COL4A4: variants seen among roughly 807,000 people sequenced by gnomAD.
COL4A4 encodes the protein collagen type IV alpha 4 chain, also known as collagen alpha-4(IV) chain.
COL4A4 carries 105 observed loss-of-function variants against 192.9 expected under a neutral mutation model. The observed-to-expected ratio is 0.54, with a 90% CI of 0.46 to 0.64. COL4A4 has a LOEUF of 0.64. Ranked by LOEUF, COL4A4 falls within the 30% of genes least tolerant of loss-of-function variation. COL4A4 has a pLI of 0.00. For synonymous variants in COL4A4, 762 were observed against 769.9 expected (o/e 0.99, Z 0.17); for missense variants, 1,967 against 2,169.3 (o/e 0.91, Z 1.85).
intron 19 of COL4A4, among the ~76,000 whole-genome samples, chr2:227,097,891 A>T (rs2060289895): frequency 1.3e-5 from 2 of 152,184 alleles, no homozygotes; most frequent in Admixed American, 1.3e-4. Context: ...GGCTGGGTAA[A>T]ACTACGTTTA....
At chr2:227,051,482 T>C (rs1428864641) in intron 32 of COL4A4, among the ~76,000 whole-genome samples, 1 of 152,212 alleles carries the variant, frequency 6.6e-6, no homozygotes, top group Non-Finnish European at 1.5e-5. Context: ...GAAGCCAAGA[T>C]GAGCACCTCA....
chr2:227,046,054 T>TCTAAATATATATACGTATATATACTAC (rs1468736824), intron 35 of COL4A4, among the ~76,000 whole-genome samples: 1 of 137,936 alleles, frequency 7.2e-6, no homozygotes, highest in Non-Finnish European at 1.5e-5. Flanking sequence ...ATATATACTA[T>TCTAAATATATATACGTATATATACTAC]CTAAACATAT....
chr2:226,980,110 C>G, the COL4A4 span, among the ~76,000 whole-genome samples: 2 of 152,106 alleles, frequency 1.3e-5, no homozygotes, highest in African/African-American at 4.8e-5. Context: ...CAGTCAGCAC[C>G]ACTTACCTTT....
In COL4A4 at chr2:227,089,950, G is replaced by A. The variant is rs376301372; in HGVS notation, c.1377C>T (p.Tyr459=). The change falls in exon 21 of 48, where the codon TAC becomes TAT. Residue 459 remains tyrosine (Y), a synonymous_variant. Coordinates refer to ENST00000396625, the MANE Select transcript of COL4A4 (RefSeq NM_000092.5). ...GTGGTCCGGGGTTCCCAACACTACA[G>A]TATATCACTGTCAAGGAGGTAAGGG... ...LQGLPGSSVI[Y]CSVGNPGPQG... is the part of the protein sequence containing the mutation. 16 of 1,612,824 alleles carry A rather than the reference G, an allele frequency of 9.9e-6. No homozygotes were observed. Among genetic ancestry groups the A allele is most frequent in the Non-Finnish European group, 1.4e-5 (16 of 1,179,146 alleles).
At chr2:227,101,408 C>A (rs2060514672) in intron 17 of COL4A4, 96 bp downstream of exon 17, 3 of 1,026,410 alleles carry the variant, frequency 2.9e-6, no homozygotes, top group East Asian at 2.6e-5. Flanking sequence ...AAATTACATT[C>A]TTGAATGATT....
chr2:227,135,290 C>T (rs371566952), intron 4 of COL4A4, among the ~76,000 whole-genome samples: 8 of 152,196 alleles, frequency 5.3e-5, no homozygotes, highest in Admixed American at 1.3e-4. Context: ...GCTCTGAACC[C>T]GAAAAAGATC....
chr2:227,135,735 T>C (rs1373452339), intron 4 of COL4A4, among the ~76,000 whole-genome samples: 1 of 152,034 alleles, frequency 6.6e-6, no homozygotes, highest in African/African-American at 2.4e-5. Flanking sequence ...CTCCGCCTCA[T>C]GGGTTCAAGC....
chr2:227,127,250 G>A (rs2062143378), intron 4 of COL4A4, among the ~76,000 whole-genome samples: 1 of 152,240 alleles, frequency 6.6e-6, no homozygotes, highest in South Asian at 2.1e-4. Context: ...ATCCAGAAAT[G>A]ACAATCAGCT....
chr2:226,990,488 T>G, the COL4A4 span, among the ~76,000 whole-genome samples: 1 of 152,198 alleles, frequency 6.6e-6, no homozygotes, highest in South Asian at 2.1e-4. Flanking sequence ...CTGCATGGCA[T>G]AGTGCGTTCA....
intron 21 of COL4A4, among the ~76,000 whole-genome samples, chr2:227,089,612 T>TATATATATATATATAC (rs1383778504): frequency 3.5e-5 from 5 of 141,864 alleles, no homozygotes; most frequent in Non-Finnish European, 4.6e-5. Context: ...TATATATACA[T>TATATATATATATATAC]ACATATATAT....
intron 25 of COL4A4, among the ~76,000 whole-genome samples, chr2:227,064,852 T>C (rs192748077): frequency 2.0e-3 from 309 of 152,318 alleles, no homozygotes; most frequent in Middle Eastern, 3.4e-3. Context: ...AATTTTTCAC[T>C]ACAAAACATG....
rs1453734408 is a variant in COL4A4 at position 227,041,826 on chromosome 2, AAG to A, written c.3505+320_3505+321del. The stretch of plus-strand genomic sequence containing the variant: ...AAAGGAAGAAAGAAAGAAAGAAAGA[AAG>A]AAAGAAAGAAAGAAAGAAAGAGAAA... On this transcript the variant is annotated intron_variant, in intron 37 of 47. Transcript: ENST00000396625. 5.1e-3 allele frequency among the ~76,000 whole-genome samples: 193 copies of A among 38,198 alleles called. 4 individuals are homozygous for A. The highest frequency in any genetic ancestry group is 0.025 in the African/African-American group (181 of 7,104). 25.1% of individuals were successfully genotyped at this position (38,198 alleles called of 152,430 possible). A position where few individuals can be genotyped will look rare whatever the true frequency, so the allele number is the denominator to read the frequency against.
rs1482828997 is a variant in COL4A4, at chr2:227,010,585, T to G, written c.4334-84A>C. 8 of 1,176,070 alleles carry G rather than the reference T, an allele frequency of 6.8e-6. No homozygotes were observed. In the African/African-American group the frequency reaches 1.2e-4, roughly 18 times the overall value. The allele number at this position is 1,176,070 out of a possible 1,614,324, so 72.9% of individuals were successfully genotyped here. A position where few individuals can be genotyped will look rare whatever the true frequency, so the allele number is the denominator to read the frequency against. On this transcript the variant is annotated intron_variant, in intron 45 of 47. Transcript: ENST00000396625. ...GTTAAGCACCTCTGTTCTGGCACTG[T>G]GCTAAGCACTCAGGGAGCAGAGGGG...
the COL4A4 span, among the ~76,000 whole-genome samples, chr2:226,973,389 G>A: frequency 6.6e-6 from 1 of 152,154 alleles, no homozygotes; most frequent in African/African-American, 2.4e-5. Context: ...GAGATGTCTG[G>A]GCTCATTATC....
In COL4A4 at chr2:227,043,200, T is replaced by C. The variant is rs369936878; in HGVS notation, c.3290-16A>G. 65 of 1,603,460 alleles carry C rather than the reference T, an allele frequency of 4.1e-5. No individual in the cohort carries two copies. Among genetic ancestry groups the C allele is most frequent in the Non-Finnish European group, 5.3e-5 (62 of 1,170,466 alleles). ...CCAAAATGCCCTAAAGAAGGAAAGA[T>C]CAAACATCAGAGTTGCCGTTTGAGA... On this transcript the variant is annotated splice_polypyrimidine_tract_variant and intron_variant, in intron 35 of 47. Transcript: ENST00000396625.
In COL4A4 at chr2:227,028,644, T is replaced by TTTATTATTATTA. The variant is rs56914189; in HGVS notation, c.3974-647_3974-636dup. On this transcript the variant is annotated intron_variant, in intron 41 of 47. Transcript: ENST00000396625. ...GAAACTATGCTCTTTATAAAAGAAATTTATTATTATTATTATTATTATTAT... is the reference window on the plus strand; with the variant it reads ...GAAACTATGCTCTTTATAAAAGAAATTTATTATTATTATTATTATTATTATTATTATTATTAT... Among the ~76,000 whole-genome samples, 206 of 141,884 alleles carry TTTATTATTATTA rather than the reference T, an allele frequency of 1.5e-3. 1 individual carries two copies. Among genetic ancestry groups the TTTATTATTATTA allele is most frequent in the African/African-American group, 5.1e-3 (195 of 38,274 alleles). The allele number at this position is 141,884 out of a possible 152,430, so 93.1% of individuals were successfully genotyped here.
At chr2:227,016,084 C>T (rs1411320108) in intron 44 of COL4A4, among the ~76,000 whole-genome samples, 2 of 152,066 alleles carry the variant, frequency 1.3e-5, no homozygotes, top group African/African-American at 4.8e-5. Flanking sequence ...ACCCCTCACC[C>T]CAGCAGACAC....
Position 227,088,740 on chromosome 2 carries a change from C to T in COL4A4, c.1536G>A (p.Gly512=), listed in dbSNP as rs1384191584. The part of the protein sequence containing the change: ...PGPPGLPGRQ[G]SKGDLGLPGW... ...CAGGGAGCCCCAAGTCTCCCTTACT[C>T]CCCTGCCTCCCAGGAAGTCCTGGAG... Residue 512 remains glycine (G), a synonymous_variant, in exon 22 of 48, where the codon GGG becomes GGA. Transcript: ENST00000396625. 1.9e-6 allele frequency: 3 copies of T among 1,614,090 alleles called. No individual in the cohort carries two copies. The highest frequency in any genetic ancestry group is 1.1e-5 in the South Asian group (1 of 91,086).
At chr2:227,133,938 T>C (rs752978815) in intron 4 of COL4A4, among the ~76,000 whole-genome samples, 1 of 151,978 alleles carries the variant, frequency 6.6e-6, no homozygotes, top group Admixed American at 6.6e-5. Flanking sequence ...AAATCCTTAC[T>C]CAAGCCTACA....
Sources: allele counts gnomAD v4.1 joint callset (sites outside exome capture counted in the v4.1 genomes callset), GRCh38; gene constraint gnomAD v4.1.1; transcripts MANE v1.5; gene names NCBI Gene and HGNC (gene_info 2026-07-23, HGNC 2026-07-21).